SOAT2: variants seen among roughly 807,000 people sequenced by gnomAD.
SOAT2 encodes the protein ACAT-2.
Under a neutral mutation model 76.0 loss-of-function variants are expected in SOAT2, and 87 were observed. That is an observed-to-expected ratio of 1.14 (90% confidence interval 0.96 to 1.37). SOAT2 has a LOEUF of 1.37. SOAT2 is among the 40% of genes most tolerant of loss of function. SOAT2 has a pLI of 0.00. For synonymous variants in SOAT2, 285 were observed against 275.4 expected (o/e 1.03, Z -0.34); for missense variants, 686 against 682.1 (o/e 1.01, Z -0.06).
rs151234831 is a variant in SOAT2, at chr12:53,121,542, T to C, written c.1236+141T>C. 177 of 651,340 alleles carry C rather than the reference T, an allele frequency of 2.7e-4. No individual in the cohort carries two copies. The African/African-American group carries it at 2.9e-3, about 11-fold the overall frequency. 40.3% of individuals were successfully genotyped at this position (651,340 alleles called of 1,614,324 possible). On this transcript the variant is annotated intron_variant, in intron 12 of 14. Coordinates refer to ENST00000301466, the MANE Select transcript of SOAT2 (RefSeq NM_003578.4). ...GCCGTTTTGATTTCATCTGTCCTCA[T>C]TTTCTCATTTTACCCAACCCAATGG... is the stretch of plus-strand genomic sequence containing the variant.
In SOAT2 at chr12:53,116,708, A is replaced by G. The variant is rs1044600991; in HGVS notation, c.778+542A>G. Reference sequence around the variant, plus strand: ...GTGAGATGGGGTCTCACTTCAAAAAACTTTTTAAAATTAGCCAGGTGTGGT... The same window carrying G: ...GTGAGATGGGGTCTCACTTCAAAAAGCTTTTTAAAATTAGCCAGGTGTGGT... On this transcript the variant is annotated intron_variant, in intron 7 of 14. Coordinates refer to ENST00000301466, the MANE Select transcript of SOAT2 (RefSeq NM_003578.4). Among the ~76,000 whole-genome samples, 11 of 151,908 alleles carry G rather than the reference A, an allele frequency of 7.2e-5. No individual in the cohort carries two copies. In the East Asian group the frequency reaches 2.1e-3, roughly 30 times the overall value.
At chr12:53,107,027 C>T (rs1231338604) in intron 5 of SOAT2, among the ~76,000 whole-genome samples, 1 of 152,144 alleles carries the variant, frequency 6.6e-6, no homozygotes, top group African/African-American at 2.4e-5. Context: ...TACATTCCAG[C>T]CTTTGTATAA....
At chr12:53,104,304 T>C (rs1330767877) in intron 2 of SOAT2, 98 bp downstream of exon 2, 6 of 983,962 alleles carry the variant, frequency 6.1e-6, no homozygotes, top group Non-Finnish European at 9.4e-6. Context: ...TTTTTTTTTT[T>C]TTTTTGAAAC....
chr12:53,109,369 C>G (rs970730947), intron 5 of SOAT2, among the ~76,000 whole-genome samples: 4 of 152,136 alleles, frequency 2.6e-5, no homozygotes, highest in African/African-American at 9.7e-5. Context: ...CAAAGAAAGT[C>G]AAACCCCATT....
In SOAT2 at chr12:53,105,231, G is replaced by T. The variant is rs756978945; in HGVS notation, c.263G>T (p.Gly88Val). ...AAACCTCTGCCCCCACCTCCCCCAG[G>T]TTCCTTGAGCAGGTGAGTCTGGGGA... ...QDKPLPPPPP[G>V]SLSRTQEPSL... Residue 88 changes from glycine to valine, a missense_variant, in exon 3 of 15, where the codon GGT (glycine) becomes GTT (valine). By Grantham distance (109) the Gly-to-Val change is moderately radical (BLOSUM62 -3). Coordinates refer to ENST00000301466, the MANE Select transcript of SOAT2 (RefSeq NM_003578.4). 3.7e-6 allele frequency: 6 copies of T among 1,604,064 alleles called. No homozygotes were observed. The highest frequency in any genetic ancestry group is 3.4e-5 in the South Asian group (3 of 89,098).
chr12:53,119,346 G>C, intron 10 of SOAT2, 93 bp downstream of exon 10: 1 of 1,382,130 alleles, frequency 7.2e-7, no homozygotes, highest in Non-Finnish European at 9.9e-7. Flanking sequence ...GTTTCAACAC[G>C]TTCTCCTTCT....
chr12:53,118,283 C>A, intron 7 of SOAT2, 67 bp from the exon 8 acceptor site: 1 of 934,774 alleles, frequency 1.1e-6, no homozygotes, highest in Non-Finnish European at 1.8e-6. Context: ...CACCCTTCCC[C>A]AGCAGCCCCC....
At chr12:53,122,995 C>G in intron 12 of SOAT2, 86 bp from the exon 13 acceptor site, 1 of 1,404,014 alleles carries the variant, frequency 7.1e-7, no homozygotes. Flanking sequence ...GACTGGGCGG[C>G]TGGCCGGGCG....
chr12:53,103,697 TG>T (rs781232161), intron 1 of SOAT2, 38 bp downstream of exon 1: 81 of 1,442,094 alleles, frequency 5.6e-5, no homozygotes, highest in Middle Eastern at 1.9e-4. Context: ...CACAGGCAAG[TG>T]GGGGGGAGGC....
intron 11 of SOAT2, 44 bp downstream of exon 11, chr12:53,120,927 G>C: frequency 7.0e-7 from 1 of 1,435,116 alleles, no homozygotes; most frequent in Non-Finnish European, 9.8e-7. Context: ...AGATAGGGAG[G>C]GTTAGGGAGG....
intron 5 of SOAT2, among the ~76,000 whole-genome samples, chr12:53,111,720 C>G (rs1001573169): frequency 2.0e-5 from 3 of 152,148 alleles, no homozygotes; most frequent in African/African-American, 7.2e-5. Flanking sequence ...ATGCTGGCAA[C>G]TCTTAAGACA....
At chr12:53,109,981 T>C (rs1937989135) in intron 5 of SOAT2, among the ~76,000 whole-genome samples, 1 of 152,226 alleles carries the variant, frequency 6.6e-6, no homozygotes, top group African/African-American at 2.4e-5. Context: ...ATGATACCCC[T>C]TTAACTTTAG....
At chr12:53,119,892 A>G (rs894621521) in intron 10 of SOAT2, among the ~76,000 whole-genome samples, 7 of 152,238 alleles carry the variant, frequency 4.6e-5, no homozygotes, top group Non-Finnish European at 1.0e-4. Flanking sequence ...CCCTGGACAC[A>G]TGGTTGGACA....
At chr12:53,121,440 TA>T (rs1938187881) in intron 12 of SOAT2, 39 bp downstream of exon 12, 3 of 1,499,042 alleles carry the variant, frequency 2.0e-6, no homozygotes, top group Non-Finnish European at 2.8e-6. Flanking sequence ...TCACAGTTAA[TA>T]GGGGCTCTCC....
At chr12:53,105,353 C>T (rs1056352066) in intron 3 of SOAT2, 110 bp downstream of exon 3, 47 of 1,369,980 alleles carry the variant, frequency 3.4e-5, no homozygotes, top group Non-Finnish European at 3.8e-5. Flanking sequence ...TCCAGCCTTC[C>T]CTCTTCCCCC....
At position 53,123,115 on chromosome 12, in the gene SOAT2, T is replaced by G; in HGVS notation, c.1271T>G (p.Leu424Arg). 1 of 1,613,842 alleles carries G rather than the reference T, an allele frequency of 6.2e-7. No individual in the cohort carries two copies. The highest frequency in any genetic ancestry group is 1.3e-5 in the African/African-American group (1 of 75,020). The change falls in exon 13 of 15, where the codon CTG (leucine) becomes CGG (arginine). Residue 424 changes from leucine to arginine, a missense_variant. Physicochemically the swap from Leu to Arg is moderately radical, Grantham distance 102. Transcript: ENST00000301466. ...GCCCGGGCCCGAGGGGTAGCCATGC[T>G]GGGTGTGTTCCTGGTCTCCGCAGTG... ...LGARARGVAMLGVFLVSAVAH... is the reference protein window; with the variant it reads ...LGARARGVAMRGVFLVSAVAH...
rs1177945341 is a variant in SOAT2 at position 53,123,857 on chromosome 12, A to C, written c.1502A>C (p.His501Pro). ...TGCCAGGAGTGGTACGCACGGCGGC[A>C]CTGCCCCTTACCCCAGGTAAGAGAC... ...LYCQEWYARR[H>P]CPLPQATFWG... The change falls in exon 14 of 15, where the codon CAC becomes CCC. Residue 501 changes from histidine (H) to proline (P), a missense_variant. His to Pro is a moderately conservative substitution (Grantham distance 77). Coordinates refer to ENST00000301466, the MANE Select transcript of SOAT2 (RefSeq NM_003578.4). 7.4e-6 allele frequency: 12 copies of C among 1,614,060 alleles called. No individual in the cohort carries two copies. The highest frequency in any genetic ancestry group is 1.0e-5 in the Non-Finnish European group (12 of 1,179,988).
intron 11 of SOAT2, 130 bp downstream of exon 11, chr12:53,121,013 C>G: frequency 1.3e-6 from 1 of 747,604 alleles, no homozygotes; most frequent in South Asian, 1.6e-5. Flanking sequence ...GAAATGCAGT[C>G]CTCTGGATGT....
At chr12:53,111,112 A>ATTTTT (rs1015051525) in intron 5 of SOAT2, among the ~76,000 whole-genome samples, 5 of 143,280 alleles carry the variant, frequency 3.5e-5, no homozygotes, top group East Asian at 2.0e-4. Flanking sequence ...ATTTGCCTAC[A>ATTTTT]TTTTTTTTTT....
Sources: allele counts gnomAD v4.1 joint callset (sites outside exome capture counted in the v4.1 genomes callset), GRCh38; gene constraint gnomAD v4.1.1; transcripts MANE v1.5; gene names NCBI Gene and HGNC (gene_info 2026-07-23, HGNC 2026-07-21).